Variants in RNF32 observed in about 807,000 individuals in gnomAD.
The protein encoded by RNF32 is ring finger protein 32.
A neutral mutation model predicts 41.0 loss-of-function variants in RNF32; 36 were observed. The ratio of observed to expected loss-of-function variants is 0.88; its 90% CI spans 0.67 to 1.16. RNF32 has a LOEUF of 1.16. Ranked by LOEUF, RNF32 falls within the 50% of genes most tolerant of loss-of-function variation. The pLI, the probability that RNF32 is intolerant of heterozygous loss-of-function variation, is 0.00. For missense variants in RNF32, 413 were observed against 436.7 expected, an observed-to-expected ratio of 0.95 and a Z score of 0.48; for synonymous variants, 154 against 160.9, an observed-to-expected ratio of 0.96 and a Z score of 0.32.
At chr7:156,646,189 A>G (rs1797955543) in intron 3 of RNF32, among the ~76,000 whole-genome samples, 2 of 152,246 alleles carry the variant, frequency 1.3e-5, no homozygotes, top group Admixed American at 6.5e-5. Flanking sequence ...GTTTTTAAGG[A>G]TATTCGTTTC....
At chr7:156,646,397 T>G in intron 3 of RNF32, 1 of 1,302,578 alleles carries the variant, frequency 7.7e-7, no homozygotes, top group Non-Finnish European at 1.0e-6. Flanking sequence ...TGCCTCTGAC[T>G]TCACAAAACC....
chr7:156,654,889 C>T, intron 4 of RNF32, 171 bp downstream of exon 4: 3 of 553,344 alleles, frequency 5.4e-6, no homozygotes, highest in Non-Finnish European at 9.6e-6. Flanking sequence ...AAGAGCTAAA[C>T]ACCCTCATTA....
chr7:156,675,682 CG>C lies in RNF32; in HGVS notation c.685-13del, dbSNP rs386419899. ...GCTCAGGTGTGAGCTTACCCGCCCC[CG>C]CCTCCTCCTCAGTTCACAGAAATCA... On this transcript the variant is annotated splice_polypyrimidine_tract_variant and intron_variant, in intron 7 of 8. Coordinates refer to ENST00000317955, the MANE Select transcript of RNF32 (RefSeq NM_030936.4). 72 of 1,600,654 alleles carry C rather than the reference CG, an allele frequency of 4.5e-5. No homozygotes were observed. Among genetic ancestry groups the C allele is most frequent in the African/African-American group, 1.9e-4 (14 of 74,704 alleles).
intron 4 of RNF32, among the ~76,000 whole-genome samples, chr7:156,656,992 T>C (rs1309960306): frequency 2.0e-5 from 3 of 152,248 alleles, no homozygotes; most frequent in Admixed American, 1.3e-4. Context: ...AGTGGGGAAT[T>C]TGGGTCACAG....
intron 3 of RNF32, among the ~76,000 whole-genome samples, chr7:156,651,913 C>T (rs1798791622): frequency 6.6e-6 from 1 of 152,160 alleles, no homozygotes; most frequent in Non-Finnish European, 1.5e-5. Flanking sequence ...TCCCCTCCCC[C>T]GGCCCCTCCC....
chr7:156,651,862 C>T (rs1326768919), intron 3 of RNF32, among the ~76,000 whole-genome samples: 1 of 152,184 alleles, frequency 6.6e-6, no homozygotes, highest in Admixed American at 6.5e-5. Context: ...TATACCAGGG[C>T]ACTTTATCAA....
intron 7 of RNF32, chr7:156,659,618 TTATATA>T (rs977515761): frequency 1.3e-5 from 12 of 920,002 alleles, no homozygotes; most frequent in Non-Finnish European, 1.4e-5. Context: ...TCATTTTACC[TTATATA>T]TATAAATATT....
chr7:156,669,083 T>G lies in RNF32; in HGVS notation c.685-6613T>G, dbSNP rs1801858605. On this transcript the variant is annotated intron_variant, in intron 7 of 8. Coordinates refer to ENST00000317955, the MANE Select transcript of RNF32 (RefSeq NM_030936.4). The surrounding 1 kb of genome is among the most constrained non-coding windows in gnomAD (Gnocchi z 4.2). ...AAATTAGACTCAACTGCATGAAAAG[T>G]CTATGCGAACTGCTTTCATGGACTG... 6.6e-6 allele frequency: 1 copy of G among 152,182 alleles called. No homozygotes were observed. Among genetic ancestry groups the G allele is most frequent in the Non-Finnish European group, 1.5e-5 (1 of 68,038 alleles). The allele number at this position is 152,182 out of a possible 1,614,324, so 9.4% of individuals were successfully genotyped here.
At chr7:156,650,257 C>G (rs1369308303) in intron 3 of RNF32, among the ~76,000 whole-genome samples, 3 of 152,212 alleles carry the variant, frequency 2.0e-5, no homozygotes, top group African/African-American at 7.2e-5. Context: ...GCCCCAGGGT[C>G]AGTCCTCAAC....
intron 7 of RNF32, among the ~76,000 whole-genome samples, chr7:156,672,780 T>C (rs1325586137): frequency 1.3e-5 from 2 of 152,254 alleles, no homozygotes; most frequent in Non-Finnish European, 1.5e-5. Context: ...AAGTGGCTTC[T>C]GAAAGCGCAC....
intron 3 of RNF32, among the ~76,000 whole-genome samples, chr7:156,650,204 G>T (rs543754013): frequency 6.6e-6 from 1 of 152,200 alleles, no homozygotes; most frequent in Non-Finnish European, 1.5e-5. Flanking sequence ...CGGTGCTGCC[G>T]TCGGGAGGTG....
chr7:156,655,794 T>G (rs945926378), intron 4 of RNF32, among the ~76,000 whole-genome samples: 2 of 152,232 alleles, frequency 1.3e-5, no homozygotes, highest in African/African-American at 4.8e-5. Flanking sequence ...AATTTAGTAA[T>G]TTAATGTAGC....
intron 7 of RNF32, among the ~76,000 whole-genome samples, chr7:156,674,147 G>T (rs1803265915): frequency 6.6e-6 from 1 of 152,214 alleles, no homozygotes; most frequent in Non-Finnish European, 1.5e-5. Context: ...GAATTTCAGT[G>T]ACTGAAAGCC....
chr7:156,664,882 TC>T (rs1170664861), intron 7 of RNF32, among the ~76,000 whole-genome samples: 10 of 152,204 alleles, frequency 6.6e-5, no homozygotes, highest in Non-Finnish European at 1.2e-4. Flanking sequence ...TGTATTGTTT[TC>T]ACCAAGAAAC....
At chr7:156,652,021 C>A (rs1432380880) in intron 3 of RNF32, among the ~76,000 whole-genome samples, 3 of 152,146 alleles carry the variant, frequency 2.0e-5, no homozygotes, top group Admixed American at 6.5e-5. Context: ...TTTCTTCCCT[C>A]GTAGTGGCGA....
chr7:156,652,125 G>A (rs751316889), intron 3 of RNF32, among the ~76,000 whole-genome samples: 6 of 152,190 alleles, frequency 3.9e-5, no homozygotes, highest in Non-Finnish European at 5.9e-5. Context: ...TCTCACATTT[G>A]ATTGATAGCT....
chr7:156,675,528 C>T (rs1803692858), intron 7 of RNF32, among the ~76,000 whole-genome samples, 168 bp from the exon 8 acceptor site: 1 of 152,164 alleles, frequency 6.6e-6, no homozygotes, highest in South Asian at 2.1e-4. Context: ...TCCAGATTAT[C>T]TGGATTTATA....
intron 7 of RNF32, chr7:156,660,310 T>C (rs1800437011): frequency 3.1e-6 from 3 of 982,674 alleles, no homozygotes; most frequent in South Asian, 9.4e-5. Flanking sequence ...AACAACACCA[T>C]CTAAGAGATC....
chr7:156,658,324 T>C (rs1563082298), intron 6 of RNF32, 72 bp downstream of exon 6: 9 of 1,591,048 alleles, frequency 5.7e-6, no homozygotes, highest in Non-Finnish European at 6.9e-6. Flanking sequence ...GTTTTTTGAA[T>C]AGTGGGATTT....
Sources: allele counts gnomAD v4.1 joint callset (sites outside exome capture counted in the v4.1 genomes callset), GRCh38; gene constraint gnomAD v4.1.1; non-coding constraint Gnocchi (gnomAD v3.1); transcripts MANE v1.5; gene names NCBI Gene and HGNC (gene_info 2026-07-23, HGNC 2026-07-21).